FAM171A1: variants seen among roughly 807,000 people sequenced by gnomAD.
FAM171A1 encodes family with sequence similarity 171 member A1, also known as protein FAM171A1.
A neutral mutation model predicts 74.9 loss-of-function variants in FAM171A1; 23 were observed. The ratio of observed to expected loss-of-function variants is 0.31; its 90% CI spans 0.22 to 0.44. The LOEUF (loss-of-function observed/expected upper bound fraction) is 0.44, where lower values mean the gene tolerates loss of function less well. FAM171A1 is among the 20% of genes least tolerant of loss of function. The pLI is 1.00. For missense variants in FAM171A1, 1,162 were observed against 1,159.2 expected, an observed-to-expected ratio of 1.00 and a Z score of -0.03; for synonymous variants, 527 against 505.7, an observed-to-expected ratio of 1.04 and a Z score of -0.57.
At position 15,214,041 on chromosome 10, in the gene FAM171A1, T is replaced by C. The variant is rs1256958312; in HGVS notation, c.1547A>G (p.Gln516Arg). 6.2e-7 allele frequency: 1 copy of C among 1,614,080 alleles called. No individual in the cohort carries two copies. Among genetic ancestry groups the C allele is most frequent in the Non-Finnish European group, 8.5e-7 (1 of 1,180,036 alleles). ...TGAAGGCGCGGGGTACAGATGTTCC[T>C]GAATGGTGAGTTTGCTTCCCGTGGA... is the stretch of plus-strand genomic sequence containing the variant. Reference protein sequence around the residue: ...PASTGSKLTIQEHLYPAPSSP... With the variant: ...PASTGSKLTIREHLYPAPSSP... The change falls in exon 8 of 8, where the codon CAG becomes CGG. Residue 516 changes from glutamine (Q) to arginine (R), a missense_variant. Physicochemically the swap from Gln to Arg is conservative, Grantham distance 43. Coordinates refer to ENST00000378116, the MANE Select transcript of FAM171A1 (RefSeq NM_001010924.2).
Position 15,215,997 on chromosome 10 carries a change from T to A in FAM171A1, c.985A>T (p.Arg329Trp). ...ATTGCCAAAATGGTAACACTTTACC[T>A]GCAATAATATAAAAGGAGACACAGC... ...VLLCLLLYYC[R>W]RKCLKPRQHH... is the part of the protein sequence containing the mutation. The change falls in exon 7 of 8, where the codon AGG becomes TGG. Residue 329 changes from arginine to tryptophan, a missense_variant and splice_region_variant. Physicochemically the swap from Arg to Trp is moderately radical, Grantham distance 101. Coordinates refer to ENST00000378116, the MANE Select transcript of FAM171A1 (RefSeq NM_001010924.2). The A allele has an allele frequency of 6.3e-7, 1 of 1,588,252 alleles. No individual in the cohort carries two copies. The highest frequency in any genetic ancestry group is 8.6e-7 in the Non-Finnish European group (1 of 1,169,114).
At chr10:15,362,340 G>A (rs1836004395) in intron 1 of FAM171A1, among the ~76,000 whole-genome samples, 1 of 152,210 alleles carries the variant, frequency 6.6e-6, no homozygotes, top group Admixed American at 6.5e-5. Flanking sequence ...CCTGAGTGAT[G>A]GAATACACAC....
At chr10:15,264,772 C>T (rs1588520383) in intron 3 of FAM171A1, among the ~76,000 whole-genome samples, 2 of 151,716 alleles carry the variant, frequency 1.3e-5, no homozygotes, top group African/African-American at 4.8e-5. Context: ...ACAGTGGGAC[C>T]CTGTCTCTTA....
intron 1 of FAM171A1, among the ~76,000 whole-genome samples, chr10:15,352,907 G>A (rs903622323): frequency 6.6e-6 from 1 of 152,170 alleles, no homozygotes; most frequent in Non-Finnish European, 1.5e-5. Flanking sequence ...GAGCATATGC[G>A]CTGTGTGCAC....
chr10:15,255,806 C>G (rs1379378384), intron 3 of FAM171A1, among the ~76,000 whole-genome samples: 1 of 152,026 alleles, frequency 6.6e-6, no homozygotes, highest in Non-Finnish European at 1.5e-5. Context: ...CGCCACCACA[C>G]CCAGCTAATT....
At chr10:15,297,622 A>T (rs1461663363) in intron 1 of FAM171A1, among the ~76,000 whole-genome samples, 2 of 152,210 alleles carry the variant, frequency 1.3e-5, no homozygotes, top group Non-Finnish European at 2.9e-5. Flanking sequence ...ATATTCATAG[A>T]AGTTCAGCAA....
chr10:15,349,928 A>G (rs147422687), intron 1 of FAM171A1, among the ~76,000 whole-genome samples: 7 of 152,262 alleles, frequency 4.6e-5, no homozygotes, highest in African/African-American at 1.7e-4. Context: ...GGGCTGGAGG[A>G]AAATTCATGC....
intron 1 of FAM171A1, among the ~76,000 whole-genome samples, chr10:15,356,696 C>T (rs911893270): frequency 6.6e-5 from 10 of 152,158 alleles, no homozygotes; most frequent in Admixed American, 1.3e-4. Flanking sequence ...CTGGGCCTTT[C>T]GTGGTGGCTC....
At chr10:15,243,252 C>T (rs867840950) in intron 5 of FAM171A1, among the ~76,000 whole-genome samples, 2 of 152,186 alleles carry the variant, frequency 1.3e-5, no homozygotes, top group South Asian at 4.1e-4. Flanking sequence ...TAATCTGATT[C>T]TGGCTCCTCT....
intron 3 of FAM171A1, among the ~76,000 whole-genome samples, chr10:15,268,418 GAGGAGAGA>G (rs546803313): frequency 5.3e-5 from 8 of 152,230 alleles, no homozygotes; most frequent in Admixed American, 5.2e-4. Context: ...AATGAGATTC[GAGGAGAGA>G]AGAATCAAGG....
intron 1 of FAM171A1, among the ~76,000 whole-genome samples, chr10:15,339,840 T>C (rs896165561): frequency 6.6e-6 from 1 of 152,212 alleles, no homozygotes; most frequent in African/African-American, 2.4e-5. Context: ...CAGTTCCGTG[T>C]GGCTCGGGAG....
intron 1 of FAM171A1, among the ~76,000 whole-genome samples, chr10:15,342,758 A>ATT (rs752266585): frequency 1.9e-4 from 29 of 152,230 alleles, no homozygotes; most frequent in Non-Finnish European, 3.8e-4. Flanking sequence ...ATAGACATGA[A>ATT]TTTTAATTCA....
intron 1 of FAM171A1, among the ~76,000 whole-genome samples, chr10:15,351,193 T>G (rs890468712): frequency 2.0e-5 from 3 of 152,230 alleles, no homozygotes; most frequent in African/African-American, 7.2e-5. Flanking sequence ...GAAGAATGAC[T>G]GTCTGTGCTC....
intron 3 of FAM171A1, among the ~76,000 whole-genome samples, chr10:15,274,254 G>T (rs968692353): frequency 1.3e-5 from 2 of 152,134 alleles, no homozygotes; most frequent in Non-Finnish European, 2.9e-5. Flanking sequence ...GACAAACAGA[G>T]AGCCAAATCA....
intron 1 of FAM171A1, among the ~76,000 whole-genome samples, chr10:15,292,444 C>T (rs1298751217): frequency 3.3e-5 from 5 of 152,134 alleles, no homozygotes; most frequent in African/African-American, 9.7e-5. Context: ...AAGCAAATTC[C>T]AGATATCATA....
At chr10:15,251,719 C>T (rs1588512680) in intron 4 of FAM171A1, among the ~76,000 whole-genome samples, 1 of 152,148 alleles carries the variant, frequency 6.6e-6, no homozygotes, top group East Asian at 1.9e-4. Context: ...GCCTATTCTG[C>T]AACAATTCAC....
chr10:15,217,942 T>C (rs1004348542), intron 6 of FAM171A1, among the ~76,000 whole-genome samples: 3 of 152,114 alleles, frequency 2.0e-5, no homozygotes, highest in African/African-American at 4.8e-5. Context: ...AGAGAAACAA[T>C]TTTTTCATGC....
intron 2 of FAM171A1, among the ~76,000 whole-genome samples, chr10:15,281,782 A>G (rs534290675): frequency 5.3e-4 from 81 of 152,220 alleles, no homozygotes; most frequent in African/African-American, 1.9e-3. Context: ...AATTGCTTGA[A>G]CCTGGGAGGT....
chr10:15,259,577 A>G (rs1450050184), intron 3 of FAM171A1, among the ~76,000 whole-genome samples: 1 of 152,192 alleles, frequency 6.6e-6, no homozygotes, highest in Admixed American at 6.5e-5. Context: ...ATGTTATTTA[A>G]TATTTACAAC....
Sources: gnomAD v4.1 joint callset for allele counts (sites outside exome capture counted in the v4.1 genomes callset) on GRCh38, gnomAD v4.1.1 for gene constraint, MANE v1.5 for transcripts, NCBI Gene and HGNC (gene_info 2026-07-23, HGNC 2026-07-21) for gene names.